The following NOB1 variants were observed in gnomAD, a reference collection of about 807,000 sequenced individuals.
NOB1 encodes RNA-binding protein NOB1.
NOB1 carries 44 observed loss-of-function variants against 44.8 expected under a neutral mutation model. The ratio of observed to expected loss-of-function variants is 0.98; its 90% CI spans 0.77 to 1.26. The LOEUF (loss-of-function observed/expected upper bound fraction) is 1.26. Among genes scored for constraint, NOB1 ranks in the 50% most tolerant of loss-of-function variants. NOB1 has a pLI of 0.00. For missense variants in NOB1, 560 were observed against 544.8 expected (o/e 1.03, Z -0.28); for synonymous variants, 238 against 218.7 (o/e 1.09, Z -0.78).
chr16:69,744,419 C>T (rs1323674399), intron 8 of NOB1, among the ~76,000 whole-genome samples: 1 of 152,168 alleles, frequency 6.6e-6, no homozygotes, highest in Admixed American at 6.5e-5. Context: ...TCTTCTCATG[C>T]ACATGTGGCT....
At position 69,744,876 on chromosome 16, in the gene NOB1, G is replaced by T. The variant is rs1217331353; in HGVS notation, c.966C>A (p.Leu322=). The change falls in exon 8 of 9, where the codon CTC becomes CTA. Residue 322 remains leucine (L), a synonymous_variant. Transcript: ENST00000268802. ...RNPKVLNPRG[L]RYSLPTPKGG... is the part of the protein sequence containing the mutation. ...GACTGGGAGAGGCGCCACTCACCCG[G>T]AGGCCGCGGGGGTTCAGCACCTTGG... 1.2e-6 allele frequency: 2 copies of T among 1,612,654 alleles called. No homozygotes were observed. Among genetic ancestry groups the T allele is most frequent in the Non-Finnish European group, 1.7e-6 (2 of 1,179,894 alleles).
chr16:69,745,286 G>A (rs757529428), intron 7 of NOB1, among the ~76,000 whole-genome samples: 40 of 152,126 alleles, frequency 2.6e-4, no homozygotes, highest in Non-Finnish European at 5.0e-4. Context: ...CCTACACACC[G>A]CCAGGCCCTG....
intron 7 of NOB1, among the ~76,000 whole-genome samples, chr16:69,747,240 A>T (rs113930105): frequency 6.6e-6 from 1 of 151,490 alleles, no homozygotes; most frequent in Non-Finnish European, 1.5e-5. Flanking sequence ...AAAAAAAAAA[A>T]AAAGATAAAA....
chr16:69,753,578 T>C lies in NOB1; in HGVS notation c.196+1016A>G, dbSNP rs563871051. The stretch of plus-strand genomic sequence containing the variant: ...CCTTTGCCATTCTTCAAAAGTACTA[T>C]TAGTATTTCCTCGGAAAGATTTAGT... On this transcript the variant is annotated intron_variant, in intron 2 of 8. Transcript: ENST00000268802. 1.1e-4 allele frequency among the ~76,000 whole-genome samples: 17 copies of C among 152,332 alleles called. No homozygotes were observed. In the South Asian group the frequency reaches 2.9e-3, roughly 26 times the overall value.
chr16:69,750,220 G>T (rs2038471683), intron 3 of NOB1, among the ~76,000 whole-genome samples: 1 of 151,768 alleles, frequency 6.6e-6, no homozygotes, highest in African/African-American at 2.4e-5. Context: ...GGCCAGGCTG[G>T]TCTCAAACTC....
rs1447273601 is a variant in NOB1, at chr16:69,754,646, G to C, written c.144C>G (p.Val48=). 6.2e-7 allele frequency: 1 copy of C among 1,614,190 alleles called. No individual in the cohort carries two copies. The highest frequency in any genetic ancestry group is 8.5e-7 in the Non-Finnish European group (1 of 1,180,048). Residue 48 remains valine (V), a synonymous_variant, in exon 2 of 9, where the codon GTC becomes GTG. Transcript: ENST00000268802. ...CCTTGAACCGCAGCTCGTAGGGCAG[G>C]ACAGCGAGCCGCCTGCGTGTGGCCT... The part of the protein sequence containing the change: ...RDKATRRRLA[V]LPYELRFKEP...
intron 3 of NOB1, among the ~76,000 whole-genome samples, chr16:69,751,334 T>A (rs1226294504): frequency 6.6e-6 from 1 of 150,674 alleles, no homozygotes; most frequent in East Asian, 1.9e-4. Context: ...TTTAAAAAAA[T>A]TATTATATAC....
chr16:69,750,000 A>ATTTT (rs369173907), intron 3 of NOB1, among the ~76,000 whole-genome samples: 39 of 131,538 alleles, frequency 3.0e-4, no homozygotes, highest in African/African-American at 5.5e-4. Flanking sequence ...AGGATACCCA[A>ATTTT]TTTTTTTTTT....
intron 3 of NOB1, among the ~76,000 whole-genome samples, chr16:69,751,051 A>T (rs1405260494): frequency 6.6e-6 from 1 of 152,196 alleles, no homozygotes; most frequent in Non-Finnish European, 1.5e-5. Context: ...TCGAAAAAAC[A>T]CTTGCAAGTA....
In NOB1 at chr16:69,744,702, C is replaced by T. The variant is rs140112544; in HGVS notation, c.969+171G>A. Among the ~76,000 whole-genome samples the T allele has an allele frequency of 2.2e-3, 331 of 152,302 alleles. 2 individuals carry two copies. The highest frequency in any genetic ancestry group is 5.6e-3 in the South Asian group (27 of 4,828). The stretch of plus-strand genomic sequence containing the variant: ...CACAACTACTGCCTGAATAACCGGT[C>T]GCTTCTCATGAGATGGCATCTGTCA... On this transcript the variant is annotated intron_variant, in intron 8 of 8. Transcript: ENST00000268802.
intron 3 of NOB1, among the ~76,000 whole-genome samples, chr16:69,751,909 A>G (rs1158808529): frequency 2.6e-5 from 4 of 152,188 alleles, no homozygotes; most frequent in Non-Finnish European, 5.9e-5. Flanking sequence ...TAAAAATACA[A>G]AAATTAGCCG....
At chr16:69,749,684 G>GTT (rs911101146) in intron 3 of NOB1, 54 bp from the exon 4 acceptor site, 3,158 of 1,187,120 alleles carry the variant, frequency 2.7e-3, no homozygotes, top group South Asian at 3.2e-3. Flanking sequence ...AAGATATCCA[G>GTT]TTTTTTTTTT....
At chr16:69,750,709 G>A (rs1044582680) in intron 3 of NOB1, among the ~76,000 whole-genome samples, 1 of 152,142 alleles carries the variant, frequency 6.6e-6, no homozygotes, top group South Asian at 2.1e-4. Flanking sequence ...GGCCAAGGTG[G>A]GAGGATGGCT....
chr16:69,747,113 T>C (rs1384514087), intron 7 of NOB1, among the ~76,000 whole-genome samples: 2 of 145,348 alleles, frequency 1.4e-5, no homozygotes, highest in African/African-American at 5.2e-5. Context: ...TCCCAGCTAC[T>C]CGGAGGCTGA....
intron 8 of NOB1, 149 bp downstream of exon 8, chr16:69,744,724 G>C (rs1597614613): frequency 2.3e-6 from 2 of 860,570 alleles, no homozygotes; most frequent in East Asian, 5.3e-5. Context: ...GATGGCATCT[G>C]TCACACACTC....
At position 69,745,002 on chromosome 16, in the gene NOB1, C is replaced by T; in HGVS notation, c.840G>A (p.Met280Ile). 2 of 1,614,104 alleles carry T rather than the reference C, an allele frequency of 1.2e-6. No homozygotes were observed. The highest frequency in any genetic ancestry group is 1.3e-5 in the African/African-American group (1 of 75,020). ...CACAGTGTGAGCAGAACACTCGGCT[C>T]ATGTCAGACGTTGTCCTGGGAGACA... The part of the protein sequence containing the change: ...CHGCFKTTSD[M>I]SRVFCSHCGN... The change falls in exon 8 of 9, where the codon ATG (methionine) becomes ATA (isoleucine). Residue 280 changes from methionine (M) to isoleucine (I), a missense_variant. Met to Ile is a conservative substitution (Grantham distance 10). Coordinates refer to ENST00000268802, the MANE Select transcript of NOB1 (RefSeq NM_014062.3).
intron 2 of NOB1, among the ~76,000 whole-genome samples, chr16:69,753,786 G>C (rs144279329): frequency 8.7e-4 from 132 of 152,230 alleles, no homozygotes; most frequent in Middle Eastern, 3.4e-3. Context: ...CCTAAGCCAA[G>C]AGACAATTCT....
intron 7 of NOB1, among the ~76,000 whole-genome samples, chr16:69,747,398 A>G (rs2038442421): frequency 6.6e-6 from 1 of 152,098 alleles, no homozygotes; most frequent in Non-Finnish European, 1.5e-5. Flanking sequence ...AGCACAAAGA[A>G]GTGAATCAGC....
Position 69,742,338 on chromosome 16 carries a change from T to A in NOB1, c.1233A>T (p.Lys411Asn), listed in dbSNP as rs778486819. 5.6e-6 allele frequency: 9 copies of A among 1,611,136 alleles called. No individual in the cohort carries two copies. Among genetic ancestry groups the A allele is most frequent in the Non-Finnish European group, 7.6e-6 (9 of 1,177,520 alleles). ...PNASRKKFVKKR is the reference protein window; with the variant it reads ...PNASRKKFVKNR ...GCCTGCGGGAACTCGCTCTTCACCT[T>A]TTCTTCACAAACTTCTTTCTGGAAG... Residue 411 changes from lysine to asparagine, a missense_variant, in exon 9 of 9, where the codon AAA (lysine) becomes AAT (asparagine). Lys to Asn is a moderately conservative substitution (Grantham distance 94). Coordinates refer to ENST00000268802, the MANE Select transcript of NOB1 (RefSeq NM_014062.3).
Sources: gnomAD v4.1 joint callset for allele counts (sites outside exome capture counted in the v4.1 genomes callset) on GRCh38, gnomAD v4.1.1 for gene constraint, MANE v1.5 for transcripts, NCBI Gene and HGNC (gene_info 2026-07-23, HGNC 2026-07-21) for gene names.